Variants in MKS1 observed in about 807,000 individuals in gnomAD.
The protein encoded by MKS1 is tectonic-like complex member MKS1.
MKS1 carries 70 observed loss-of-function variants against 83.7 expected under a neutral mutation model. The ratio of observed to expected loss-of-function variants is 0.84; its 90% CI spans 0.69 to 1.02. MKS1 has a LOEUF of 1.02. Ranked by LOEUF, MKS1 falls within the 50% of genes least tolerant of loss-of-function variation. MKS1 has a pLI of 0.00. For synonymous variants in MKS1, 251 were observed against 273.4 expected, an observed-to-expected ratio of 0.92 and a Z score of 0.81; for missense variants, 681 against 726.9, an observed-to-expected ratio of 0.94 and a Z score of 0.73.
intron 4 of MKS1, among the ~76,000 whole-genome samples, chr17:58,215,336 T>C (rs923544342): frequency 6.6e-6 from 1 of 152,202 alleles, no homozygotes; most frequent in African/African-American, 2.4e-5. Context: ...CATAGCTCAC[T>C]GCAACCTTGA....
chr17:58,205,871 G>A lies in MKS1; in HGVS notation c.*208C>T, dbSNP rs1024064276. 2.8e-6 allele frequency: 4 copies of A among 1,435,936 alleles called. No individual in the cohort carries two copies. Among genetic ancestry groups the A allele is most frequent in the Non-Finnish European group, 3.7e-6 (4 of 1,091,348 alleles). 88.9% of individuals were successfully genotyped at this position (1,435,936 alleles called of 1,614,324 possible). A position where few individuals can be genotyped will look rare whatever the true frequency, so the allele number is the denominator to read the frequency against. ...CAGTGGCTGCAAATATAAAGGGGGG[G>A]CCACAGGGTCTCTGGCTTTATTTCC... On this transcript the variant is annotated 3_prime_UTR_variant, in exon 18 of 18. Transcript: ENST00000393119.
At chr17:58,213,639 C>A in intron 7 of MKS1, 126 bp downstream of exon 7, 2 of 782,504 alleles carry the variant, frequency 2.6e-6, no homozygotes, top group Non-Finnish European at 2.3e-6. Context: ...GAATACGAAC[C>A]ATTGCCTGGG....
chr17:58,219,217 A>G lies in MKS1; in HGVS notation c.14T>C (p.Val5Ala). 6.4e-7 allele frequency: 1 copy of G among 1,550,982 alleles called. No individual in the cohort carries two copies. The highest frequency in any genetic ancestry group is 8.7e-7 in the Non-Finnish European group (1 of 1,146,962). The change falls in exon 1 of 18, where the codon GTC becomes GCC. Residue 5 changes from valine to alanine, a missense_variant. By Grantham distance (64) the Val-to-Ala change is moderately conservative (BLOSUM62 0). Coordinates refer to ENST00000393119, the MANE Select transcript of MKS1 (RefSeq NM_017777.4). Reference protein sequence around the residue: MAETVWSTDTGEAVY... With the variant: MAETAWSTDTGEAVY... ...TGCCTCCCCGGTGTCAGTGCTCCAG[A>G]CGGTCTCCGCCATGACAGCTGCGAC...
chr17:58,214,249 C>T lies in MKS1; in HGVS notation c.644+10G>A, dbSNP rs544053540. The T allele has an allele frequency of 3.4e-5, 55 of 1,614,122 alleles. No individual in the cohort carries two copies. In the East Asian group the frequency reaches 4.9e-4, roughly 14 times the overall value. ...GAGGCTCTAAGCTGGCAGTGAGAAG[C>T]GCCACTCACTTTTTATAGGGCCCCA... On this transcript the variant is annotated intron_variant, in intron 6 of 17. Transcript: ENST00000393119.
chr17:58,207,145 G>A lies in MKS1; in HGVS notation c.1347C>T (p.Phe449=). Residue 449 remains phenylalanine (F), a synonymous_variant, in exon 15 of 18, where the codon TTC becomes TTT. Transcript: ENST00000393119. Reference sequence around the variant, plus strand: ...CCTCCAGTTCCAGAGAACCGCCAATGAAAAACCTCCTCAGCTCAGCCACCG... The same window carrying A: ...CCTCCAGTTCCAGAGAACCGCCAATAAAAAACCTCCTCAGCTCAGCCACCG... ...LGTVAELRRF[F]IGGSLELEDL... is the part of the protein sequence containing the mutation. The A allele has an allele frequency of 6.2e-7, 1 of 1,614,190 alleles. No individual in the cohort carries two copies. Among genetic ancestry groups the A allele is most frequent in the Non-Finnish European group, 8.5e-7 (1 of 1,180,036 alleles).
chr17:58,214,663 A>G (rs2143807783), intron 5 of MKS1, 78 bp downstream of exon 5: 1 of 1,455,136 alleles, frequency 6.9e-7, no homozygotes, highest in African/African-American at 1.4e-5. Flanking sequence ...ATATATAACC[A>G]CTGATAAAAA....
rs730882120 is a variant in MKS1 at position 58,207,110 on chromosome 17, T to C, written c.1382A>G (p.Tyr461Cys). Reference sequence around the variant, plus strand: ...CTTGAAGGATCCTGGTATCCGTACATAGGAGAGGTCCTCCAGTTCCAGAGA... The same window carrying C: ...CTTGAAGGATCCTGGTATCCGTACACAGGAGAGGTCCTCCAGTTCCAGAGA... ...GGSLELEDLS[Y>C]VRIPGSFKGE... The change falls in exon 15 of 18, where the codon TAT becomes TGT. Residue 461 changes from tyrosine (Y) to cysteine (C), a missense_variant. Tyr to Cys is a radical substitution (Grantham distance 194, BLOSUM62 -2). Coordinates refer to ENST00000393119, the MANE Select transcript of MKS1 (RefSeq NM_017777.4). 11 of 1,614,182 alleles carry C rather than the reference T, an allele frequency of 6.8e-6. No homozygotes were observed. Among genetic ancestry groups the C allele is most frequent in the East Asian group, 2.2e-5 (1 of 44,880 alleles).
Sources: gnomAD v4.1 joint callset for allele counts (sites outside exome capture counted in the v4.1 genomes callset) on GRCh38, gnomAD v4.1.1 for gene constraint, MANE v1.5 for transcripts, NCBI Gene and HGNC (gene_info 2026-07-23, HGNC 2026-07-21) for gene names.